Variants in GRM4 observed in about 807,000 individuals in gnomAD.
The protein encoded by GRM4 is metabotropic glutamate receptor 4.
In GRM4, 28 loss-of-function variants were observed where a neutral mutation model predicts 81.7. The observed-to-expected ratio is 0.34, with a 90% CI of 0.25 to 0.47. The LOEUF is 0.47. Ranked by LOEUF, GRM4 falls within the 20% of genes least tolerant of loss-of-function variation. The pLI, the probability that GRM4 is intolerant of heterozygous loss-of-function variation, is 1.00. For missense variants in GRM4, 948 were observed against 1,290.0 expected, an observed-to-expected ratio of 0.73 and a Z score of 4.06; for synonymous variants, 488 against 528.8, an observed-to-expected ratio of 0.92 and a Z score of 1.06.
At chr6:34,091,593 T>G in intron 3 of GRM4, 6 of 438,510 alleles carry the variant, frequency 1.4e-5, no homozygotes, top group East Asian at 8.4e-5. Flanking sequence ...TCCTCTGCTG[T>G]GAGGAGAGCG....
chr6:34,135,147 G>T (rs780108824), intron 1 of GRM4, among the ~76,000 whole-genome samples: 1 of 152,194 alleles, frequency 6.6e-6, no homozygotes, highest in Non-Finnish European at 1.5e-5. Flanking sequence ...CTTCCCCAGA[G>T]ATGTGGTCCC....
At chr6:34,075,557 C>T (rs1349313308) in intron 3 of GRM4, among the ~76,000 whole-genome samples, 1 of 152,232 alleles carries the variant, frequency 6.6e-6, no homozygotes, top group Non-Finnish European at 1.5e-5. Context: ...TCCACTGGCA[C>T]TTGCCATCCT....
rs1275122090 is a variant in GRM4, at chr6:34,091,893, G to A, written c.726C>T (p.Ser242=). 2 of 1,612,094 alleles carry A rather than the reference G, an allele frequency of 1.2e-6. No homozygotes were observed. The highest frequency in any genetic ancestry group is 3.3e-5 in the Admixed American group (2 of 59,998). Residue 242 remains serine (S), a synonymous_variant, in exon 3 of 11, where the codon TCC becomes TCT. Transcript: ENST00000538487. ...AGGCGTTTGACTCACCGTCCTCACGGGACTTCTGGATGAAGGCCTCCACAC... is the reference window on the plus strand; with the variant it reads ...AGGCGTTTGACTCACCGTCCTCACGAGACTTCTGGATGAAGGCCTCCACAC... The part of the protein sequence containing the change: ...ESGVEAFIQK[S]REDGGVCIAQ...
At chr6:34,056,482 A>AGGCTCGGCCCTCCCC in intron 6 of GRM4, 62 bp downstream of exon 6, 1 of 1,458,334 alleles carries the variant, frequency 6.9e-7, no homozygotes, top group South Asian at 1.2e-5. Context: ...TCAGGCCCCC[A>AGGCTCGGCCCTCCCC]GGCTCGGCCC....
At chr6:34,071,462 GA>G (rs1766838774) in intron 3 of GRM4, among the ~76,000 whole-genome samples, 4 of 8,082 alleles carry the variant, frequency 4.9e-4, no homozygotes, top group Non-Finnish European at 1.1e-3. Context: ...CATCACCACA[GA>G]GATACACACC....
chr6:34,140,753 G>A (rs1318992649), intron 1 of GRM4, among the ~76,000 whole-genome samples: 1 of 152,214 alleles, frequency 6.6e-6, no homozygotes, highest in African/African-American at 2.4e-5. Flanking sequence ...GTGGGCAAGT[G>A]TCTTTGTTTG....
chr6:34,119,512 C>T (rs1366342182), intron 2 of GRM4, among the ~76,000 whole-genome samples: 1 of 152,226 alleles, frequency 6.6e-6, no homozygotes, highest in Non-Finnish European at 1.5e-5. Context: ...GGAGGTGTCA[C>T]AGGGCACCAC....
chr6:34,096,096 T>C (rs2127489681), intron 2 of GRM4, among the ~76,000 whole-genome samples: 1 of 152,266 alleles, frequency 6.6e-6, no homozygotes, highest in South Asian at 2.1e-4. Flanking sequence ...CTCTGCCTCC[T>C]TTGCTTCCCT....
At chr6:34,056,439 CG>C in intron 6 of GRM4, 104 bp downstream of exon 6, 1 of 1,069,454 alleles carries the variant, frequency 9.4e-7, no homozygotes, top group Non-Finnish European at 1.3e-6. Context: ...CTGCCACGGC[CG>C]GCCGACGACA....
intron 3 of GRM4, among the ~76,000 whole-genome samples, chr6:34,086,516 C>T (rs1767897555): frequency 6.6e-6 from 1 of 152,238 alleles, no homozygotes; most frequent in South Asian, 2.1e-4. Flanking sequence ...ACACTCCTTC[C>T]TGCCACACTC....
chr6:34,153,424 G>A (rs890050729), intron 1 of GRM4, among the ~76,000 whole-genome samples: 6 of 152,258 alleles, frequency 3.9e-5, no homozygotes. Flanking sequence ...GGAACCCCAA[G>A]ACTGCCTTGG....
Position 34,151,186 on chromosome 6 carries a change from G to A in GRM4, c.312+3893C>T, listed in dbSNP as rs1051947940. On this transcript the variant is annotated intron_variant, in intron 1 of 8. Transcript: ENST00000374177. The stretch of plus-strand genomic sequence containing the variant: ...CTAGCTAAGGGGGAGTGGGATACAC[G>A]GCCAGACTGAGCACCTGGCCCTCCA... Among the ~76,000 whole-genome samples, 12 of 152,138 alleles carry A rather than the reference G, an allele frequency of 7.9e-5. No homozygotes were observed. In the East Asian group the frequency reaches 9.6e-4, roughly 12 times the overall value.
Position 34,092,049 on chromosome 6 carries a change from G to A in GRM4, c.570C>T (p.Ser190=), listed in dbSNP as rs1768257432. The A allele has an allele frequency of 6.2e-7, 1 of 1,613,704 alleles. No individual in the cohort carries two copies. Residue 190 remains serine (S), a synonymous_variant, in exon 3 of 11, where the codon AGC becomes AGT. Transcript: ENST00000538487. This position sits in a 1 kb window ranked among gnomAD's most constrained non-coding sequence, Gnocchi z 6.8. The part of the protein sequence containing the change: ...ASTAPDLSDN[S]RYDFFSRVVP... ...CCACGCGGGAGAAGAAGTCGTAGCG[G>A]CTGTTGTCACTCAGGTCTGGCGCTG...
intron 1 of GRM4, among the ~76,000 whole-genome samples, chr6:34,137,955 C>T (rs1446561751): frequency 2.0e-5 from 3 of 152,036 alleles, no homozygotes; most frequent in Non-Finnish European, 2.9e-5. Context: ...TCAATCCTTC[C>T]CTCTGCATCC....
intron 3 of GRM4, among the ~76,000 whole-genome samples, chr6:34,079,714 G>A (rs914871320): frequency 6.6e-6 from 1 of 152,132 alleles, no homozygotes; most frequent in African/African-American, 2.4e-5. Context: ...GGAGTGCCGT[G>A]CCTGGCCCCG....
chr6:34,047,590 C>T lies in GRM4; in HGVS notation c.1169-6842G>A, dbSNP rs1765417861. 6.6e-6 allele frequency among the ~76,000 whole-genome samples: 1 copy of T among 152,130 alleles called. No homozygotes were observed. Among genetic ancestry groups the T allele is most frequent in the Non-Finnish European group, 1.5e-5 (1 of 68,016 alleles). ...TCGAATTTTCATCCTCATCAAGTCG[C>T]CTGCCTTCCAGTCTGGGAATTTCTA... is the stretch of plus-strand genomic sequence containing the variant. On this transcript the variant is annotated intron_variant, in intron 6 of 10. Coordinates refer to ENST00000538487, the MANE Select transcript of GRM4 (RefSeq NM_000841.4). This position sits in a 1 kb window ranked among gnomAD's most constrained non-coding sequence, Gnocchi z 4.5.
At chr6:34,055,726 C>CG (rs1765839230) in intron 6 of GRM4, 1 of 152,242 alleles carries the variant, frequency 6.6e-6, no homozygotes, top group African/African-American at 2.4e-5. Flanking sequence ...ACCTAGGGGG[C>CG]GGGGGCCCTA....
chr6:34,100,665 T>C (rs1328523648), intron 2 of GRM4, among the ~76,000 whole-genome samples: 4 of 152,244 alleles, frequency 2.6e-5, no homozygotes. Context: ...CAATAGTGAA[T>C]GAATACACAC....
At chr6:34,029,325 C>T (rs1764296801) in intron 9 of GRM4, among the ~76,000 whole-genome samples, 1 of 152,288 alleles carries the variant, frequency 6.6e-6, no homozygotes, top group South Asian at 2.1e-4. Flanking sequence ...CCTCTCCTGA[C>T]CCCCAGCTCT....
Sources: allele counts gnomAD v4.1 joint callset (sites outside exome capture counted in the v4.1 genomes callset), GRCh38; gene constraint gnomAD v4.1.1; non-coding constraint Gnocchi (gnomAD v3.1); transcripts MANE v1.5; gene names NCBI Gene and HGNC (gene_info 2026-07-23, HGNC 2026-07-21).